Variants in KIAA1328 observed in about 807,000 individuals in gnomAD.
KIAA1328 encodes KIAA1328.
In KIAA1328, 52 loss-of-function variants were observed where a neutral mutation model predicts 68.1. The observed-to-expected ratio is 0.76, with a 90% CI of 0.61 to 0.96. The LOEUF (loss-of-function observed/expected upper bound fraction) is 0.96. Among genes scored for constraint, KIAA1328 ranks in the 40% least tolerant of loss-of-function variants. The pLI, the probability that KIAA1328 is intolerant of heterozygous loss-of-function variation, is 0.00. For missense variants in KIAA1328, 641 were observed against 677.6 expected (o/e 0.95, Z 0.60); for synonymous variants, 232 against 239.4 (o/e 0.97, Z 0.28).
intron 5 of KIAA1328, chr18:36,925,086 G>A (rs1011317811): frequency 1.3e-5 from 2 of 152,104 alleles, no homozygotes; most frequent in Admixed American, 6.6e-5. Flanking sequence ...ATACACCATG[G>A]TGTTTTTATT....
At chr18:37,193,554 G>C in intron 9 of KIAA1328, 1 of 700,268 alleles carries the variant, frequency 1.4e-6, no homozygotes. Context: ...TTTAATCCTT[G>C]AACCACTCAT....
At chr18:37,123,751 G>A (rs537304885) in intron 7 of KIAA1328, among the ~76,000 whole-genome samples, 26 of 152,204 alleles carry the variant, frequency 1.7e-4, no homozygotes, top group Non-Finnish European at 3.2e-4. Flanking sequence ...ATGATCTTTG[G>A]TCTAGAAAGA....
rs539264222 is a variant in KIAA1328, at chr18:37,066,719, G to A, written c.577-171G>A. ...AAGGGTAGGTTGTTTGAAAATGGAT[G>A]TAGCTTTGGGGCACAAGTCTGTTTA... On this transcript the variant is annotated intron_variant, in intron 6 of 9. Coordinates refer to ENST00000280020, the MANE Select transcript of KIAA1328 (RefSeq NM_020776.3). 2.0e-5 allele frequency: 12 copies of A among 587,904 alleles called. No homozygotes were observed. The East Asian group carries it at 3.5e-4, about 17-fold the overall frequency. The allele number at this position is 587,904 out of a possible 1,614,324, so 36.4% of individuals were successfully genotyped here.
At chr18:37,029,912 T>C (rs1184239046) in intron 6 of KIAA1328, among the ~76,000 whole-genome samples, 1 of 152,226 alleles carries the variant, frequency 6.6e-6, no homozygotes, top group Non-Finnish European at 1.5e-5. Flanking sequence ...ATTAAGATTT[T>C]CTATTTTGTC....
At chr18:36,929,709 C>T (rs2050244849) in intron 5 of KIAA1328, among the ~76,000 whole-genome samples, 1 of 152,042 alleles carries the variant, frequency 6.6e-6, no homozygotes, top group Non-Finnish European at 1.5e-5. Context: ...CTCCAGGAAG[C>T]TCTCTAGCCC....
chr18:37,200,759 T>C (rs893584493), intron 9 of KIAA1328, among the ~76,000 whole-genome samples: 2 of 144,018 alleles, frequency 1.4e-5, no homozygotes, highest in Admixed American at 1.5e-4. Flanking sequence ...TGCAGTGAGC[T>C]GAGATTGCGC....
chr18:37,185,742 TAC>T (rs1337017584), intron 9 of KIAA1328, among the ~76,000 whole-genome samples: 2 of 147,032 alleles, frequency 1.4e-5, no homozygotes, highest in Non-Finnish European at 1.5e-5. Flanking sequence ...CACACACACG[TAC>T]ACACACACAC....
At chr18:37,022,298 G>T (rs893338887) in intron 6 of KIAA1328, among the ~76,000 whole-genome samples, 5 of 152,098 alleles carry the variant, frequency 3.3e-5, no homozygotes, top group Non-Finnish European at 7.4e-5. Context: ...GATAAGGAAG[G>T]TATAGATTTT....
chr18:37,040,039 C>T (rs1348537600), intron 6 of KIAA1328, among the ~76,000 whole-genome samples: 2 of 152,154 alleles, frequency 1.3e-5, no homozygotes, highest in African/African-American at 4.8e-5. Context: ...TACACCTGGC[C>T]CCCACCATCA....
chr18:36,854,266 G>A (rs898557782), intron 4 of KIAA1328, among the ~76,000 whole-genome samples: 11 of 152,188 alleles, frequency 7.2e-5, no homozygotes, highest in East Asian at 1.9e-4. Context: ...TGGACTTCTA[G>A]CCTCCAGAAA....
intron 6 of KIAA1328, among the ~76,000 whole-genome samples, chr18:37,004,198 T>C (rs1333820346): frequency 6.6e-6 from 1 of 152,128 alleles, no homozygotes; most frequent in Non-Finnish European, 1.5e-5. Context: ...TTTCACAATA[T>C]TGATCGTACC....
chr18:37,042,048 T>TTTTGTTTG (rs755739008), intron 6 of KIAA1328, among the ~76,000 whole-genome samples: 1 of 151,834 alleles, frequency 6.6e-6, no homozygotes, highest in African/African-American at 2.4e-5. Flanking sequence ...ACCTACCTAA[T>TTTTGTTTG]TTTGTTTGTT....
intron 7 of KIAA1328, among the ~76,000 whole-genome samples, chr18:37,071,057 C>CTTTCTTTTTTTTTTT (rs2056510043): frequency 2.3e-5 from 2 of 86,846 alleles, no homozygotes; most frequent in Admixed American, 1.3e-4. Context: ...TTTTTTCTTC[C>CTTTCTTTTTTTTTTT]TTTTTTTTTT....
intron 7 of KIAA1328, among the ~76,000 whole-genome samples, chr18:37,104,301 T>A (rs1228428684): frequency 2.0e-5 from 3 of 152,198 alleles, no homozygotes; most frequent in Non-Finnish European, 4.4e-5. Flanking sequence ...AAAGAAAATG[T>A]GCTGTATTTA....
intron 5 of KIAA1328, among the ~76,000 whole-genome samples, chr18:36,954,203 C>T (rs2051304206): frequency 6.6e-6 from 1 of 151,872 alleles, no homozygotes; most frequent in African/African-American, 2.4e-5. Context: ...GGGGTTTCAC[C>T]TTGTTAGCCA....
At chr18:37,149,905 C>A (rs2058989676) in intron 7 of KIAA1328, among the ~76,000 whole-genome samples, 1 of 151,938 alleles carries the variant, frequency 6.6e-6, no homozygotes, top group South Asian at 2.1e-4. Flanking sequence ...AAAAAAATTA[C>A]CAATATCAGG....
chr18:37,020,806 C>T (rs937544470), intron 6 of KIAA1328, among the ~76,000 whole-genome samples: 1 of 152,166 alleles, frequency 6.6e-6, no homozygotes, highest in Non-Finnish European at 1.5e-5. Flanking sequence ...TTCCTGTTTG[C>T]ACATACGCAC....
At chr18:37,196,685 T>G (rs1324847807) in intron 9 of KIAA1328, among the ~76,000 whole-genome samples, 1 of 152,120 alleles carries the variant, frequency 6.6e-6, no homozygotes, top group Non-Finnish European at 1.5e-5. Context: ...TTTGCTAGTA[T>G]TTGTTAAGGA....
intron 6 of KIAA1328, among the ~76,000 whole-genome samples, chr18:36,993,532 A>C (rs2053271182): frequency 1.3e-5 from 2 of 152,222 alleles, no homozygotes; most frequent in Admixed American, 1.3e-4. Flanking sequence ...AAGAAAATTC[A>C]AGAAATATAG....
Sources: gnomAD v4.1 joint callset for allele counts (sites outside exome capture counted in the v4.1 genomes callset) on GRCh38, gnomAD v4.1.1 for gene constraint, MANE v1.5 for transcripts, NCBI Gene and HGNC (gene_info 2026-07-23, HGNC 2026-07-21) for gene names.